Variants in C13orf46 observed in about 807,000 individuals in gnomAD.
C13orf46 encodes chromosome 13 open reading frame 46, also known as uncharacterized protein C13orf46.
chr13:113,930,812 C>G, the C13orf46 span, among the ~76,000 whole-genome samples: 3 of 152,226 alleles, frequency 2.0e-5, no homozygotes, highest in Non-Finnish European at 4.4e-5. Context: ...TTAGCAGCCC[C>G]GGTCCTCCAG....
chr13:113,968,242 G>A (rs998899453), intron 4 of C13orf46, among the ~76,000 whole-genome samples: 3 of 152,190 alleles, frequency 2.0e-5, no homozygotes, highest in Admixed American at 6.5e-5. Flanking sequence ...GTGACTGCAC[G>A]TTTGGCAAGC....
At chr13:113,939,723 C>T in the C13orf46 span, among the ~76,000 whole-genome samples, 1 of 152,220 alleles carries the variant, frequency 6.6e-6, no homozygotes, top group South Asian at 2.1e-4. Context: ...CACTCAGGCT[C>T]CCAGTGACCT....
chr13:113,955,827 T>C lies in C13orf46; in HGVS notation c.*946A>G, dbSNP rs1399557586. On this transcript the variant is annotated 3_prime_UTR_variant, in exon 7 of 7. Transcript: ENST00000636427. ...GCCGGCGGAGACGAGGAGCAGCCGG[T>C]GGAGACGAGGAGCATCTCGAGGAGA... 0.021 allele frequency: 2,410 copies of C among 114,164 alleles called. 53 individuals are homozygous for C. The highest frequency in any genetic ancestry group is 0.082 in the Middle Eastern group (12 of 146). 7.1% of individuals were successfully genotyped at this position (114,164 alleles called of 1,614,324 possible).
At chr13:113,967,749 G>A (rs1488520881) in intron 4 of C13orf46, among the ~76,000 whole-genome samples, 4 of 152,170 alleles carry the variant, frequency 2.6e-5, no homozygotes, top group African/African-American at 9.7e-5. Context: ...AGATCTTGGG[G>A]AGCCGGGCTG....
chr13:113,933,872 G>T, the C13orf46 span, among the ~76,000 whole-genome samples: 2 of 152,168 alleles, frequency 1.3e-5, no homozygotes, highest in African/African-American at 4.8e-5. Flanking sequence ...AAACTGATAT[G>T]GGCACCACGC....
At chr13:113,965,806 ATGG>A (rs1279384083) in intron 5 of C13orf46, among the ~76,000 whole-genome samples, 6 of 147,836 alleles carry the variant, frequency 4.1e-5, no homozygotes, top group African/African-American at 1.3e-4. Flanking sequence ...GGTGGTGATG[ATGG>A]TGAAGGTGAT....
At position 113,968,491 on chromosome 13, in the gene C13orf46, C is replaced by T. The variant is rs1413788430; in HGVS notation, c.432G>A (p.Lys144=). The T allele has an allele frequency of 6.6e-6, 1 of 152,284 alleles. No individual in the cohort carries two copies. Among genetic ancestry groups the T allele is most frequent in the Non-Finnish European group, 1.5e-5 (1 of 68,072 alleles). 9.4% of individuals were successfully genotyped at this position (152,284 alleles called of 1,614,324 possible). A position where few individuals can be genotyped will look rare whatever the true frequency, so the allele number is the denominator to read the frequency against. ...EAKEQEAESI[K]LNDLQEEEKA... ...CCTCTTCTTCCTGAAGGTCATTTAG[C>T]TTTATGGACTCTGCCTCCTGTTCCT... The change falls in exon 4 of 7, where the codon AAG becomes AAA. Residue 144 remains lysine, a synonymous_variant. Coordinates refer to ENST00000636427, the MANE Select transcript of C13orf46 (RefSeq NM_001365455.2).
chr13:113,966,131 A>G lies in C13orf46; in HGVS notation c.505-1137T>C, dbSNP rs1169505067. ...TGATGATGGTGATGATGGTGATTAT[A>G]ATGGTGATGATGACAATGGTGACGG... On this transcript the variant is annotated intron_variant, in intron 5 of 6. Transcript: ENST00000636427. Among the ~76,000 whole-genome samples, 182 of 123,272 alleles carry G rather than the reference A, an allele frequency of 1.5e-3. 2 individuals are homozygous for G. Among genetic ancestry groups the G allele is most frequent in the Admixed American group, 4.6e-3 (56 of 12,142 alleles). The allele number at this position is 123,272 out of a possible 152,430, so 80.9% of individuals were successfully genotyped here.
chr13:113,958,509 C>T (rs2052560829), intron 6 of C13orf46, among the ~76,000 whole-genome samples: 2 of 152,198 alleles, frequency 1.3e-5, no homozygotes, highest in African/African-American at 2.4e-5. Context: ...ACGTCTGCCG[C>T]GGTTCGTGAT....
At position 113,955,237 on chromosome 13, in the gene C13orf46, A is replaced by G; in HGVS notation, c.*1536T>C. 5.1e-6 allele frequency: 1 copy of G among 197,990 alleles called. No homozygotes were observed. Among genetic ancestry groups the G allele is most frequent in the Non-Finnish European group, 1.0e-5 (1 of 98,562 alleles). 12.3% of individuals were successfully genotyped at this position (197,990 alleles called of 1,614,324 possible). A position where few individuals can be genotyped will look rare whatever the true frequency, so the allele number is the denominator to read the frequency against. On this transcript the variant is annotated 3_prime_UTR_variant, in exon 7 of 7. Transcript: ENST00000636427. ...GGAGCATCCCGTGGAGACGAGGAGC[A>G]TCTGGCGGAGACGAGGAGCATCTGG...
chr13:113,932,228 C>G, the C13orf46 span, among the ~76,000 whole-genome samples: 1 of 152,214 alleles, frequency 6.6e-6, no homozygotes, highest in African/African-American at 2.4e-5. Context: ...GTTTACGACA[C>G]AGTCTTTCTG....
chr13:113,937,963 A>G, the C13orf46 span, among the ~76,000 whole-genome samples: 3 of 147,672 alleles, frequency 2.0e-5, no homozygotes, highest in African/African-American at 8.0e-5. Context: ...CTTTGTGGGC[A>G]AATCGTGAGG....
intron 1 of C13orf46, among the ~76,000 whole-genome samples, chr13:113,971,657 C>T (rs1012454066): frequency 1.3e-5 from 2 of 152,350 alleles, no homozygotes; most frequent in East Asian, 1.9e-4. Flanking sequence ...CCACGTCTCC[C>T]GCATCCCGGA....
chr13:113,959,283 GAA>G (rs1441478362), intron 6 of C13orf46, among the ~76,000 whole-genome samples: 1 of 152,132 alleles, frequency 6.6e-6, no homozygotes, highest in African/African-American at 2.4e-5. Flanking sequence ...AAAAGAAAAG[GAA>G]AAGATTCTAG....
chr13:113,963,662 T>TGCCCCTGTCCTCAGCCACA (rs1555317648), intron 6 of C13orf46, among the ~76,000 whole-genome samples: 2 of 139,746 alleles, frequency 1.4e-5, no homozygotes, highest in Non-Finnish European at 3.1e-5. Context: ...TCCTCAGCCT[T>TGCCCCTGTCCTCAGCCACA]GCCCCTGTCC....
the C13orf46 span, among the ~76,000 whole-genome samples, chr13:113,931,345 T>C: frequency 6.6e-6 from 1 of 152,256 alleles, no homozygotes; most frequent in Admixed American, 6.5e-5. Flanking sequence ...ACAGTTTCCC[T>C]TGTGCGGACA....
the C13orf46 span, among the ~76,000 whole-genome samples, chr13:113,936,876 A>G: frequency 6.6e-6 from 1 of 151,598 alleles, no homozygotes; most frequent in Non-Finnish European, 1.5e-5. Flanking sequence ...CTTAGGTTCC[A>G]CCGTAGTGAC....
the C13orf46 span, among the ~76,000 whole-genome samples, chr13:113,939,508 G>A: frequency 6.6e-6 from 1 of 152,238 alleles, no homozygotes; most frequent in East Asian, 1.9e-4. Context: ...GGGGAGGACA[G>A]AGACCACGTG....
chr13:113,930,329 C>T, the C13orf46 span, among the ~76,000 whole-genome samples: 1 of 151,956 alleles, frequency 6.6e-6, no homozygotes, highest in Non-Finnish European at 1.5e-5. Flanking sequence ...GGAAGGAGCA[C>T]CGGGGTGGGA....
Sources: allele counts gnomAD v4.1 joint callset (sites outside exome capture counted in the v4.1 genomes callset), GRCh38; gene constraint gnomAD v4.1.1; transcripts MANE v1.5; gene names NCBI Gene and HGNC (gene_info 2026-07-23, HGNC 2026-07-21).